Variants in RANBP2 observed in about 807,000 individuals in gnomAD.
RANBP2 encodes the protein E3 SUMO-protein ligase RanBP2.
A neutral mutation model predicts 303.6 loss-of-function variants in RANBP2; 57 were observed. The ratio of observed to expected loss-of-function variants is 0.19; its 90% CI spans 0.15 to 0.23. The LOEUF is 0.23. Among genes scored for constraint, RANBP2 ranks in the 10% least tolerant of loss-of-function variants. The pLI is 1.00. For synonymous variants in RANBP2, 1,167 were observed against 1,301.5 expected (o/e 0.90, Z 2.23); for missense variants, 3,138 against 3,780.8 (o/e 0.83, Z 4.46).
At chr2:109,326,921 C>T in the RANBP2 span, among the ~76,000 whole-genome samples, 2 of 152,230 alleles carry the variant, frequency 1.3e-5, no homozygotes, top group South Asian at 2.1e-4. Context: ...CTGGCTCTAC[C>T]ATTCGGTTCC....
chr2:108,955,921 C>T, the RANBP2 span, among the ~76,000 whole-genome samples: 5 of 151,480 alleles, frequency 3.3e-5, no homozygotes, highest in Admixed American at 6.6e-5. Flanking sequence ...CCCAGCTACT[C>T]GGGAGGCTGA....
chr2:108,893,987 C>CTGT, the RANBP2 span, among the ~76,000 whole-genome samples: 2 of 151,358 alleles, frequency 1.3e-5, no homozygotes, highest in African/African-American at 4.8e-5. Context: ...GAGCCTCTCT[C>CTGT]TGTTATCTAT....
chr2:108,736,229 A>G lies in RANBP2; in HGVS notation c.762A>G (p.Glu254=). ...LLTLSTRDVQ[E]SRELLQSFDS... is the part of the protein sequence containing the mutation. ...CGCTTTCCACTAGAGATGTGCAGGA[A>G]AGTAGAGAATTACTGCAAAGGTACG... Residue 254 remains glutamate (E), a synonymous_variant, in exon 6 of 29, where the codon GAA becomes GAG. Coordinates refer to ENST00000283195, the MANE Select transcript of RANBP2 (RefSeq NM_006267.5). 6 of 1,611,988 alleles carry G rather than the reference A, an allele frequency of 3.7e-6. No homozygotes were observed. Among genetic ancestry groups the G allele is most frequent in the Admixed American group, 1.7e-5 (1 of 60,018 alleles).
chr2:109,062,130 G>A, the RANBP2 span, among the ~76,000 whole-genome samples: 8 of 151,960 alleles, frequency 5.3e-5, no homozygotes, highest in Non-Finnish European at 1.2e-4. Flanking sequence ...TCTCCCAGAG[G>A]GACAAGCAAA....
At chr2:109,523,899 C>G in the RANBP2 span, among the ~76,000 whole-genome samples, 314 of 152,332 alleles carry the variant, frequency 2.1e-3, no homozygotes, top group Non-Finnish European at 3.6e-3. Flanking sequence ...CTTGTCTGCT[C>G]TGACTGCCGT....
chr2:109,372,635 C>T, the RANBP2 span, among the ~76,000 whole-genome samples: 209 of 152,338 alleles, frequency 1.4e-3, no homozygotes, highest in African/African-American at 4.8e-3. Flanking sequence ...GTCCCACAGC[C>T]GAGGAGTGGC....
At chr2:109,297,197 C>A in the RANBP2 span, among the ~76,000 whole-genome samples, 1 of 151,920 alleles carries the variant, frequency 6.6e-6, no homozygotes. Context: ...GGGTGAGTTC[C>A]CCAAGAAGAC....
At chr2:109,638,655 T>C in the RANBP2 span, among the ~76,000 whole-genome samples, 1 of 152,052 alleles carries the variant, frequency 6.6e-6, no homozygotes. Context: ...TTCCAAAGAG[T>C]AGGTTTGCAC....
the RANBP2 span, among the ~76,000 whole-genome samples, chr2:109,223,586 C>T: frequency 8.6e-5 from 13 of 151,906 alleles, no homozygotes; most frequent in African/African-American, 3.1e-4. Flanking sequence ...ATTCAAGCAT[C>T]GGTGGAGGGC....
At chr2:109,319,612 A>G in the RANBP2 span, among the ~76,000 whole-genome samples, 2 of 152,158 alleles carry the variant, frequency 1.3e-5, no homozygotes, top group African/African-American at 2.4e-5. Context: ...ACACTCCCCC[A>G]TCTTCTCTTA....
chr2:109,210,075 G>T, the RANBP2 span, among the ~76,000 whole-genome samples: 1 of 152,138 alleles, frequency 6.6e-6, no homozygotes, highest in African/African-American at 2.4e-5. Flanking sequence ...TTTGTGTCTG[G>T]CTTATTTCAT....
chr2:109,405,006 AC>A, the RANBP2 span, among the ~76,000 whole-genome samples: 13 of 136,424 alleles, frequency 9.5e-5, no homozygotes, highest in Non-Finnish European at 1.9e-4. Context: ...CTACACAAAT[AC>A]CCCCCACCTT....
chr2:108,805,876 A>G, the RANBP2 span, among the ~76,000 whole-genome samples: 1 of 152,226 alleles, frequency 6.6e-6, no homozygotes, highest in Non-Finnish European at 1.5e-5. Flanking sequence ...GAGAGACAAG[A>G]GAATGATTAT....
At chr2:109,346,716 C>G in the RANBP2 span, among the ~76,000 whole-genome samples, 5 of 152,070 alleles carry the variant, frequency 3.3e-5, no homozygotes, top group African/African-American at 1.2e-4. Context: ...TTATTGCTGA[C>G]AAGCAGAAGC....
the RANBP2 span, among the ~76,000 whole-genome samples, chr2:109,356,702 C>T: frequency 3.3e-5 from 5 of 152,184 alleles, no homozygotes; most frequent in Non-Finnish European, 5.9e-5. Context: ...CAACTCCTGG[C>T]CTGTGAAGTA....
At chr2:109,556,936 T>C in the RANBP2 span, among the ~76,000 whole-genome samples, 110 of 151,976 alleles carry the variant, frequency 7.2e-4, no homozygotes, top group African/African-American at 2.3e-3. Flanking sequence ...AAACCAAACA[T>C]GGCATGTTCT....
chr2:109,093,406 T>TAAAAAAAAAAAAAA, the RANBP2 span, among the ~76,000 whole-genome samples: 13 of 90,582 alleles, frequency 1.4e-4, no homozygotes, highest in East Asian at 3.1e-4. Context: ...CGGAGATTTG[T>TAAAAAAAAAAAAAA]AAAAAAAAAA....
At position 108,785,528 on chromosome 2, in the gene RANBP2, G is replaced by A. The variant is rs1678560730; in HGVS notation, c.*1627G>A. The A allele has an allele frequency of 6.6e-6, 1 of 152,150 alleles. No individual in the cohort carries two copies. The highest frequency in any genetic ancestry group is 2.4e-5 in the African/African-American group (1 of 41,430). The allele number at this position is 152,150 out of a possible 1,614,324, so 9.4% of individuals were successfully genotyped here. ...TTGTATGCTTTCCTAAAGCACTAAA[G>A]TTACAAATTAAAAAGCTTTAAAAAC... On this transcript the variant is annotated 3_prime_UTR_variant, in exon 29 of 29. Transcript: ENST00000283195.
the RANBP2 span, among the ~76,000 whole-genome samples, chr2:109,388,714 A>T: frequency 6.6e-6 from 1 of 152,156 alleles, no homozygotes; most frequent in Non-Finnish European, 1.5e-5. Context: ...GTGAAATGAG[A>T]CCCCTGCAAG....
Sources: allele counts gnomAD v4.1 joint callset (sites outside exome capture counted in the v4.1 genomes callset), GRCh38; gene constraint gnomAD v4.1.1; transcripts MANE v1.5; gene names NCBI Gene and HGNC (gene_info 2026-07-23, HGNC 2026-07-21).